The following SPATA7 variants were observed in gnomAD, a reference collection of about 807,000 sequenced individuals.
The protein encoded by SPATA7 is spermatogenesis-associated protein 7.
SPATA7 carries 43 observed loss-of-function variants against 51.8 expected under a neutral mutation model. That is an observed-to-expected ratio of 0.83 (90% CI 0.65 to 1.07). The LOEUF is 1.07. SPATA7 is among the 50% of genes least tolerant of loss of function. The pLI is 0.00. For missense variants in SPATA7, 683 were observed against 701.3 expected, an observed-to-expected ratio of 0.97 and a Z score of 0.30; for synonymous variants, 230 against 252.8, an observed-to-expected ratio of 0.91 and a Z score of 0.86.
chr14:88,438,564 A>G (rs2077155119), downstream of SPATA7: 5 of 744,868 alleles, frequency 6.7e-6, no homozygotes, highest in Non-Finnish European at 1.2e-5. Context: ...AATGTGCCAC[A>G]CATTTATTAT....
chr14:88,463,873 A>G (rs1310071496), intron 4 of SPATA7, among the ~76,000 whole-genome samples: 2 of 151,816 alleles, frequency 1.3e-5, no homozygotes, highest in Admixed American at 1.3e-4. Flanking sequence ...TTTGAGACAG[A>G]GTCTTGCTCT....
At position 88,469,911 on chromosome 14, in the gene SPATA7, T is replaced by G; in HGVS notation, c.*44T>G. 6.2e-7 allele frequency: 1 copy of G among 1,613,872 alleles called. No homozygotes were observed. Among genetic ancestry groups the G allele is most frequent in the South Asian group, 1.1e-5 (1 of 91,078 alleles). On this transcript the variant is annotated 3_prime_UTR_variant, in exon 5 of 5. Coordinates refer to the SPATA7 transcript ENST00000556406. This position sits in a 1 kb window ranked among gnomAD's most constrained non-coding sequence, Gnocchi z 4.3. Reference sequence around the variant, plus strand: ...GGCTGAGAAAATCACTTAAGAGAAATAAGTACCTACCTCTTCTGCTGTCAC... The same window carrying G: ...GGCTGAGAAAATCACTTAAGAGAAAGAAGTACCTACCTCTTCTGCTGTCAC...
chr14:88,458,674 G>A (rs1031327027), downstream of SPATA7, among the ~76,000 whole-genome samples: 3 of 151,744 alleles, frequency 2.0e-5, no homozygotes, highest in South Asian at 2.1e-4. Context: ...TTCAAAAAAC[G>A]AGCCCCTGGA....
At chr14:88,401,219 C>T (rs1038279759) in intron 4 of SPATA7, among the ~76,000 whole-genome samples, 1 of 152,104 alleles carries the variant, frequency 6.6e-6, no homozygotes, top group Non-Finnish European at 1.5e-5. Flanking sequence ...ATGTGATATA[C>T]CACAGTAACA....
chr14:88,468,405 C>T (rs554449272), intron 4 of SPATA7: 94 of 777,440 alleles, frequency 1.2e-4, no homozygotes, highest in Non-Finnish European at 1.7e-4. Context: ...TAGAAATAAG[C>T]CATGATTGCC....
chr14:88,391,507 T>C, intron 2 of SPATA7, 52 bp downstream of exon 2: 2 of 1,445,522 alleles, frequency 1.4e-6, no homozygotes, highest in Non-Finnish European at 1.9e-6. Flanking sequence ...TCTGAGTGTT[T>C]CCTTTACTGG....
At chr14:88,386,048 T>C in intron 1 of SPATA7, 4 of 1,435,230 alleles carry the variant, frequency 2.8e-6, no homozygotes, top group Non-Finnish European at 2.7e-6. Context: ...TTCTTTGCCC[T>C]GAATTTGTCG....
intron 4 of SPATA7, chr14:88,414,720 C>A: frequency 2.7e-6 from 1 of 369,466 alleles, no homozygotes; most frequent in Non-Finnish European, 5.2e-6. Flanking sequence ...TTTGCTGCAT[C>A]CCAGAAATTT....
downstream of SPATA7, among the ~76,000 whole-genome samples, chr14:88,440,979 G>A (rs1395796214): frequency 7.9e-5 from 12 of 151,808 alleles, no homozygotes; most frequent in Admixed American, 6.6e-4. Context: ...CTCACTCCCC[G>A]CCTACCCTTT....
chr14:88,420,741 C>A (rs886695959), intron 5 of SPATA7, among the ~76,000 whole-genome samples: 1 of 152,134 alleles, frequency 6.6e-6, no homozygotes, highest in African/African-American at 2.4e-5. Flanking sequence ...CCCCAGACAC[C>A]ATATAATTTT....
chr14:88,440,356 T>C (rs2077170085), downstream of SPATA7, among the ~76,000 whole-genome samples: 1 of 152,230 alleles, frequency 6.6e-6, no homozygotes. Context: ...CTAATTTGGA[T>C]ACCTATTAGG....
At chr14:88,424,858 A>G (rs1165674857) in intron 5 of SPATA7, among the ~76,000 whole-genome samples, 1 of 152,182 alleles carries the variant, frequency 6.6e-6, no homozygotes, top group East Asian at 1.9e-4. Context: ...AGGTGATTTG[A>G]CATATTTTAG....
At chr14:88,415,266 G>T in intron 4 of SPATA7, 1 of 354,920 alleles carries the variant, frequency 2.8e-6, no homozygotes, top group Non-Finnish European at 5.9e-6. Flanking sequence ...ACCTAGGATA[G>T]GTAAGTCTTG....
intron 9 of SPATA7, among the ~76,000 whole-genome samples, chr14:88,431,594 T>C (rs1340318248): frequency 6.6e-6 from 1 of 152,188 alleles, no homozygotes; most frequent in Admixed American, 6.5e-5. Flanking sequence ...TTGTAACAAA[T>C]CTCAGCTTGT....
intron 5 of SPATA7, 46 bp from the exon 6 acceptor site, chr14:88,426,186 A>G: frequency 6.5e-6 from 9 of 1,386,342 alleles, no homozygotes; most frequent in Non-Finnish European, 8.2e-6. Context: ...CCCCAATTAC[A>G]TGAATTCGTA....
intron 3 of SPATA7, among the ~76,000 whole-genome samples, chr14:88,449,021 T>C (rs527910076): frequency 1.6e-4 from 24 of 152,272 alleles, no homozygotes; most frequent in Non-Finnish European, 2.5e-4. Flanking sequence ...CAGCTCTTTG[T>C]TTATCTTTTA....
At chr14:88,416,409 C>CTTTTTTTTTTTT (rs536916579) in intron 4 of SPATA7, 1 of 120,712 alleles carries the variant, frequency 8.3e-6, no homozygotes, top group Non-Finnish European at 1.6e-5. Context: ...TGTTGGCATT[C>CTTTTTTTTTTTT]TTTTTTTTTT....
intron 9 of SPATA7, 149 bp downstream of exon 9, chr14:88,431,374 A>G (rs986461084): frequency 2.6e-6 from 2 of 765,722 alleles, no homozygotes; most frequent in Non-Finnish European, 4.6e-6. Context: ...GTACCTAGTG[A>G]TATTTTGATA....
In SPATA7 at chr14:88,437,843, A is replaced by G; in HGVS notation, c.1221A>G (p.Lys407=). 6.3e-7 allele frequency: 1 copy of G among 1,587,826 alleles called. No individual in the cohort carries two copies. Among genetic ancestry groups the G allele is most frequent in the Non-Finnish European group, 8.5e-7 (1 of 1,171,610 alleles). ...TCATCTTTTCTTAATCCTAGGAAAA[A>G]ATGCGCCACCTGCTGCATGTCCTGA... ...IKQNKHLEEE[K]MRHLLHVLKV... is the part of the protein sequence containing the mutation. Residue 407 remains lysine, a synonymous_variant, in exon 12 of 12, where the codon AAA becomes AAG. Transcript: ENST00000393545.
Sources: gnomAD v4.1 joint callset for allele counts (sites outside exome capture counted in the v4.1 genomes callset) on GRCh38, gnomAD v4.1.1 for gene constraint, Gnocchi (gnomAD v3.1) non-coding constraint, MANE v1.5 for transcripts, NCBI Gene and HGNC (gene_info 2026-07-23, HGNC 2026-07-21) for gene names.